TMEFF2: variants seen among roughly 807,000 people sequenced by gnomAD.
TMEFF2 encodes tomoregulin-2.
TMEFF2 carries 28 observed loss-of-function variants against 53.8 expected under a neutral mutation model. The observed-to-expected ratio is 0.52, with a 90% CI of 0.39 to 0.71. TMEFF2 has a LOEUF of 0.71. TMEFF2 is among the 30% of genes least tolerant of loss of function. The pLI is 0.00. For synonymous variants in TMEFF2, 162 were observed against 166.3 expected, an observed-to-expected ratio of 0.97 and a Z score of 0.20; for missense variants, 353 against 455.2, an observed-to-expected ratio of 0.78 and a Z score of 2.04.
intron 4 of TMEFF2, among the ~76,000 whole-genome samples, chr2:192,061,717 G>A (rs1477523643): frequency 1.3e-5 from 2 of 152,132 alleles, no homozygotes; most frequent in Non-Finnish European, 2.9e-5. Context: ...GGAAGTGTTT[G>A]CATCATGGGG....
intron 7 of TMEFF2, among the ~76,000 whole-genome samples, chr2:191,977,847 CTA>C (rs1227844509): frequency 1.3e-5 from 2 of 152,176 alleles, no homozygotes; most frequent in East Asian, 1.9e-4. Flanking sequence ...TCAAAAATAA[CTA>C]TGTTTTTATG....
intron 7 of TMEFF2, among the ~76,000 whole-genome samples, chr2:191,968,938 G>A (rs546684081): frequency 1.3e-5 from 2 of 152,150 alleles, no homozygotes; most frequent in South Asian, 4.2e-4. Context: ...AAGCCTTGGG[G>A]CTCTAGCCAC....
intron 7 of TMEFF2, among the ~76,000 whole-genome samples, chr2:191,990,634 G>A (rs1559074508): frequency 6.6e-6 from 1 of 151,918 alleles, no homozygotes; most frequent in Non-Finnish European, 1.5e-5. Flanking sequence ...GAGAATTATG[G>A]CATTCCACTA....
At chr2:192,121,389 G>T (rs751907170) in intron 4 of TMEFF2, among the ~76,000 whole-genome samples, 39 of 152,220 alleles carry the variant, frequency 2.6e-4, no homozygotes, top group Non-Finnish European at 1.2e-4. Context: ...AGAGCTAGAG[G>T]CAGGAAAAGT....
At chr2:192,126,068 C>A (rs1483163518) in intron 4 of TMEFF2, among the ~76,000 whole-genome samples, 4 of 152,018 alleles carry the variant, frequency 2.6e-5, no homozygotes, top group African/African-American at 9.7e-5. Flanking sequence ...TGAAAATATA[C>A]CAATAAGTGG....
intron 4 of TMEFF2, among the ~76,000 whole-genome samples, chr2:192,084,432 A>G (rs1259667193): frequency 1.3e-5 from 2 of 152,178 alleles, no homozygotes; most frequent in Middle Eastern, 3.4e-3. Context: ...GTTGAACATA[A>G]TAGTTAACCT....
rs778297516 is a variant in TMEFF2, at chr2:191,999,179, G to T, written c.566C>A (p.Thr189Asn). The T allele has an allele frequency of 1.9e-6, 3 of 1,610,156 alleles. No homozygotes were observed. The highest frequency in any genetic ancestry group is 2.5e-6 in the Non-Finnish European group (3 of 1,177,290). ...AGAAGCGCAGAGGGGATTGAAGTTG[G>T]TTTGAGAACAGTCAATATTACACAC... is the stretch of plus-strand genomic sequence containing the variant. ...WCVCNIDCSQ[T>N]NFNPLCASDG... The change falls in exon 6 of 10, where the codon ACC (threonine) becomes AAC (asparagine). Residue 189 changes from threonine (T) to asparagine (N), a missense_variant. Around this residue, in one of 3 missense-constraint regions of TMEFF2, gnomAD observed 294 missense variants for 397.3 expected, o/e 0.74. Coordinates refer to ENST00000272771, the MANE Select transcript of TMEFF2 (RefSeq NM_016192.4).
At chr2:192,004,598 T>C (rs1025311367) in intron 5 of TMEFF2, among the ~76,000 whole-genome samples, 1 of 152,054 alleles carries the variant, frequency 6.6e-6, no homozygotes, top group African/African-American at 2.4e-5. Flanking sequence ...CTGGGCAAAA[T>C]AGTGAGACCC....
chr2:192,044,517 C>A (rs2105889089), intron 5 of TMEFF2: 1 of 152,272 alleles, frequency 6.6e-6, no homozygotes, highest in Non-Finnish European at 1.5e-5. Flanking sequence ...TTACTCTAGT[C>A]CATTTACTGA....
At chr2:191,965,142 A>G (rs1315522262) in intron 7 of TMEFF2, among the ~76,000 whole-genome samples, 1 of 152,140 alleles carries the variant, frequency 6.6e-6, no homozygotes, top group African/African-American at 2.4e-5. Flanking sequence ...TCAACTTTTT[A>G]TAGGTGATGA....
intron 4 of TMEFF2, among the ~76,000 whole-genome samples, chr2:192,090,237 G>A (rs868771479): frequency 2.0e-5 from 3 of 152,156 alleles, no homozygotes; most frequent in Middle Eastern, 3.4e-3. Context: ...CATATAAAAA[G>A]TAAACAATAA....
intron 4 of TMEFF2, among the ~76,000 whole-genome samples, chr2:192,127,701 T>A (rs1689710735): frequency 6.6e-6 from 1 of 152,142 alleles, no homozygotes; most frequent in Non-Finnish European, 1.5e-5. Flanking sequence ...TTATGTTAAC[T>A]GAAAGGCCCA....
intron 4 of TMEFF2, among the ~76,000 whole-genome samples, chr2:192,104,324 G>A (rs1689098614): frequency 6.6e-6 from 1 of 152,098 alleles, no homozygotes; most frequent in South Asian, 2.1e-4. Flanking sequence ...TATGGTGGGT[G>A]AAATTTTAGG....
chr2:192,188,821 G>T lies in TMEFF2; in HGVS notation c.282+3059C>A, dbSNP rs1228755852. ...TGCCTCCCTCCCTTCCTTCCTCCCCGCTTTTCTATCTATCTATCTATCTAT... is the reference window on the plus strand; with the variant it reads ...TGCCTCCCTCCCTTCCTTCCTCCCCTCTTTTCTATCTATCTATCTATCTAT... On this transcript the variant is annotated intron_variant, in intron 2 of 9. Transcript: ENST00000272771. 4.2e-5 allele frequency among the ~76,000 whole-genome samples: 6 copies of T among 143,222 alleles called. No homozygotes were observed. The South Asian group carries it at 1.4e-3, about 33-fold the overall frequency. The allele number at this position is 143,222 out of a possible 152,430, so 94.0% of individuals were successfully genotyped here. A position where few individuals can be genotyped will look rare whatever the true frequency, so the allele number is the denominator to read the frequency against.
At chr2:192,016,756 A>G (rs1282167748) in intron 5 of TMEFF2, among the ~76,000 whole-genome samples, 3 of 152,246 alleles carry the variant, frequency 2.0e-5, no homozygotes, top group Non-Finnish European at 2.9e-5. Context: ...ACATCTTCCA[A>G]TTGAGTAATA....
At position 191,949,962 on chromosome 2, in the gene TMEFF2, G is replaced by A; in HGVS notation, c.*349C>T. On this transcript the variant is annotated 3_prime_UTR_variant, in exon 10 of 10. Transcript: ENST00000272771. ...TGAAATATTGGTAGCTGTACAGATT[G>A]TACTAGTCTGATTATATTTACAGTT... is the stretch of plus-strand genomic sequence containing the variant. 1 of 1,071,690 alleles carries A rather than the reference G, an allele frequency of 9.3e-7. No individual in the cohort carries two copies. Among genetic ancestry groups the A allele is most frequent in the Non-Finnish European group, 1.1e-6 (1 of 882,986 alleles). 66.4% of individuals were successfully genotyped at this position (1,071,690 alleles called of 1,614,324 possible).
intron 2 of TMEFF2, among the ~76,000 whole-genome samples, chr2:192,187,335 T>G (rs758280608): frequency 2.6e-5 from 4 of 152,204 alleles, no homozygotes; most frequent in Non-Finnish European, 5.9e-5. Flanking sequence ...TAATACTCAC[T>G]TATACAAAGA....
intron 4 of TMEFF2, among the ~76,000 whole-genome samples, chr2:192,134,942 T>G (rs373413221): frequency 6.6e-5 from 10 of 152,268 alleles, no homozygotes; most frequent in East Asian, 1.9e-4. Context: ...GCCACCAACT[T>G]AAAAATGACT....
intron 4 of TMEFF2, among the ~76,000 whole-genome samples, chr2:192,093,237 G>A (rs544253550): frequency 6.6e-6 from 1 of 152,286 alleles, no homozygotes; most frequent in East Asian, 1.9e-4. Flanking sequence ...TTACACAAAT[G>A]TTGGTAGATG....
Sources: gnomAD v4.1 joint callset for allele counts (sites outside exome capture counted in the v4.1 genomes callset) on GRCh38, gnomAD v4.1.1 for gene constraint, gnomAD v4.1.1 regional missense constraint, MANE v1.5 for transcripts, NCBI Gene and HGNC (gene_info 2026-07-23, HGNC 2026-07-21) for gene names.